The following ARMH4 variants were observed in gnomAD, a reference collection of about 807,000 sequenced individuals.
The protein encoded by ARMH4 is armadillo like helical domain containing 4.
Under a neutral mutation model 61.9 loss-of-function variants are expected in ARMH4, and 49 were observed. The ratio of observed to expected loss-of-function variants is 0.79; its 90% CI spans 0.63 to 1.00. ARMH4 has a LOEUF of 1.00. ARMH4 is among the 50% of genes least tolerant of loss of function. ARMH4 has a pLI of 0.00. For missense variants in ARMH4, 934 were observed against 930.0 expected (o/e 1.00, Z -0.06); for synonymous variants, 368 against 341.5 (o/e 1.08, Z -0.85).
chr14:58,044,076 G>A (rs1883832183), intron 5 of ARMH4, among the ~76,000 whole-genome samples: 1 of 152,084 alleles, frequency 6.6e-6, no homozygotes, highest in Non-Finnish European at 1.5e-5. Context: ...TCCCCATCAA[G>A]CTACCAATGA....
chr14:58,142,502 T>C (rs901173280), intron 1 of ARMH4, among the ~76,000 whole-genome samples: 4 of 152,104 alleles, frequency 2.6e-5, no homozygotes, highest in Non-Finnish European at 5.9e-5. Flanking sequence ...TCTTTTCTTT[T>C]TGAGATGGAG....
chr14:58,138,332 A>G lies in ARMH4; in HGVS notation c.1027T>C (p.Ser343Pro). 1 of 1,614,150 alleles carries G rather than the reference A, an allele frequency of 6.2e-7. No individual in the cohort carries two copies. Among genetic ancestry groups the G allele is most frequent in the Non-Finnish European group, 8.5e-7 (1 of 1,180,028 alleles). The change falls in exon 2 of 8, where the codon TCT becomes CCT. Residue 343 changes from serine (S) to proline (P), a missense_variant. Physicochemically the swap from Ser to Pro is moderately conservative, Grantham distance 74 (BLOSUM62 -1). Transcript: ENST00000267485. Reference protein sequence around the residue: ...NEETQVRTEMSQTAQVSHEGM... With the variant: ...NEETQVRTEMPQTAQVSHEGM... The stretch of plus-strand genomic sequence containing the variant: ...TCATGGCTTACTTGTGCTGTCTGAG[A>G]CATCTCCGTTCTCACCTGAGTCTCT...
intron 5 of ARMH4, among the ~76,000 whole-genome samples, chr14:58,016,947 A>G (rs1394124852): frequency 2.0e-5 from 3 of 152,230 alleles, no homozygotes; most frequent in South Asian, 4.1e-4. Flanking sequence ...CTTGCCACTT[A>G]TATTCAACTT....
intron 4 of ARMH4, among the ~76,000 whole-genome samples, chr14:58,106,229 C>T (rs1214393099): frequency 6.6e-6 from 1 of 152,172 alleles, no homozygotes; most frequent in Non-Finnish European, 1.5e-5. Context: ...AGCATCCTTA[C>T]CGAGATCAAG....
intron 5 of ARMH4, among the ~76,000 whole-genome samples, chr14:58,088,052 T>C (rs967612218): frequency 5.9e-5 from 9 of 152,170 alleles, no homozygotes; most frequent in African/African-American, 2.2e-4. Flanking sequence ...AGGATGGAAG[T>C]CTATTCATTT....
intron 5 of ARMH4, among the ~76,000 whole-genome samples, chr14:58,070,758 T>C (rs1884857622): frequency 6.6e-6 from 1 of 152,226 alleles, no homozygotes; most frequent in Non-Finnish European, 1.5e-5. Flanking sequence ...GATTAAATTA[T>C]TATTGACTAT....
chr14:58,059,368 C>A (rs533754201), intron 5 of ARMH4, among the ~76,000 whole-genome samples: 1 of 152,372 alleles, frequency 6.6e-6, no homozygotes, highest in African/African-American at 2.4e-5. Context: ...GCCAAACACT[C>A]TGTGCAACCC....
chr14:58,126,940 T>C (rs1380669450), intron 4 of ARMH4, among the ~76,000 whole-genome samples: 1 of 151,690 alleles, frequency 6.6e-6, no homozygotes, highest in Non-Finnish European at 1.5e-5. Context: ...GTGGCTGGGA[T>C]TATAGGTGTG....
intron 2 of ARMH4, among the ~76,000 whole-genome samples, chr14:58,136,116 G>T (rs1274784529): frequency 6.6e-6 from 1 of 152,122 alleles, no homozygotes. Flanking sequence ...TATTTATCGA[G>T]TTCCTACTAT....
At chr14:58,026,905 C>T (rs1030717881) in intron 5 of ARMH4, among the ~76,000 whole-genome samples, 3 of 152,136 alleles carry the variant, frequency 2.0e-5, no homozygotes, top group African/African-American at 7.2e-5. Context: ...TTGCCATTGG[C>T]CCTTAGCTGG....
At chr14:58,069,412 T>C (rs1416576306) in intron 5 of ARMH4, among the ~76,000 whole-genome samples, 1 of 152,090 alleles carries the variant, frequency 6.6e-6, no homozygotes, top group African/African-American at 2.4e-5. Flanking sequence ...AAAAATACAA[T>C]ATAACACTAT....
chr14:58,104,465 G>A (rs1264082590), intron 4 of ARMH4, among the ~76,000 whole-genome samples: 1 of 152,198 alleles, frequency 6.6e-6, no homozygotes. Context: ...GGAAAAGATA[G>A]AAGGAAGTCA....
intron 1 of ARMH4, among the ~76,000 whole-genome samples, chr14:58,149,045 A>G (rs552545531): frequency 6.6e-6 from 1 of 152,328 alleles, no homozygotes; most frequent in South Asian, 2.1e-4. Flanking sequence ...TGTCTTAACA[A>G]TCTTTCCACT....
chr14:58,113,141 C>T (rs1886409397), intron 4 of ARMH4, among the ~76,000 whole-genome samples: 1 of 152,138 alleles, frequency 6.6e-6, no homozygotes, highest in Non-Finnish European at 1.5e-5. Flanking sequence ...ACCATCATTA[C>T]CCCAAAGGTA....
At chr14:58,020,116 C>T (rs532852332) in intron 5 of ARMH4, among the ~76,000 whole-genome samples, 7 of 152,224 alleles carry the variant, frequency 4.6e-5, no homozygotes, top group South Asian at 2.1e-4. Flanking sequence ...TTACAGATGA[C>T]GAAAATGAAG....
chr14:58,101,799 C>T (rs1025683781), intron 4 of ARMH4, among the ~76,000 whole-genome samples: 3 of 151,890 alleles, frequency 2.0e-5, no homozygotes, highest in Non-Finnish European at 4.4e-5. Flanking sequence ...GAAGAGAAAA[C>T]GGGGGAGAGG....
chr14:58,150,105 A>G (rs1887873908), intron 1 of ARMH4, among the ~76,000 whole-genome samples: 1 of 152,220 alleles, frequency 6.6e-6, no homozygotes, highest in African/African-American at 2.4e-5. Flanking sequence ...AGTTTATTTC[A>G]GTGACCCAAT....
At chr14:58,020,768 G>A (rs1882796160) in intron 5 of ARMH4, among the ~76,000 whole-genome samples, 16 of 152,316 alleles carry the variant, frequency 1.1e-4, no homozygotes, top group Admixed American at 9.8e-4. Context: ...AGAAATCTTA[G>A]GGTGAACCTT....
intron 5 of ARMH4, among the ~76,000 whole-genome samples, chr14:58,068,342 T>C (rs1884770735): frequency 6.6e-6 from 1 of 152,142 alleles, no homozygotes; most frequent in Non-Finnish European, 1.5e-5. Flanking sequence ...ATTCAATGAC[T>C]AGAGTAATTG....
Sources: allele counts gnomAD v4.1 joint callset (sites outside exome capture counted in the v4.1 genomes callset), GRCh38; gene constraint gnomAD v4.1.1; transcripts MANE v1.5; gene names NCBI Gene and HGNC (gene_info 2026-07-23, HGNC 2026-07-21).